AGBL1: variants seen among roughly 807,000 people sequenced by gnomAD.
AGBL1 encodes the protein cytosolic carboxypeptidase 4.
A neutral mutation model predicts 118.9 loss-of-function variants in AGBL1; 130 were observed. The observed-to-expected ratio is 1.09, with a 90% CI of 0.95 to 1.26. AGBL1 has a LOEUF of 1.26. Ranked by LOEUF, AGBL1 falls within the 50% of genes most tolerant of loss-of-function variation. The pLI, the probability that AGBL1 is intolerant of heterozygous loss-of-function variation, is 0.00. For synonymous variants in AGBL1, 555 were observed against 478.9 expected (o/e 1.16, Z -2.08); for missense variants, 1,584 against 1,298.1 (o/e 1.22, Z -3.38).
At chr15:86,269,829 C>A in intron 13 of AGBL1, 90 bp from the exon 14 acceptor site, 1 of 1,438,062 alleles carries the variant, frequency 7.0e-7, no homozygotes, top group Non-Finnish European at 9.4e-7. Context: ...AGATCTGTAA[C>A]CCAGAAACTG....
chr15:86,555,544 C>T (rs532382934), intron 21 of AGBL1, among the ~76,000 whole-genome samples: 2 of 152,298 alleles, frequency 1.3e-5, no homozygotes, highest in South Asian at 2.1e-4. Context: ...CAAATAGCCA[C>T]TTAGTCTAAA....
intron 21 of AGBL1, among the ~76,000 whole-genome samples, chr15:86,573,262 T>A (rs1301650653): frequency 6.6e-6 from 1 of 152,220 alleles, no homozygotes; most frequent in Admixed American, 6.5e-5. Flanking sequence ...ACGTTTTTCT[T>A]TTTAAATCCT....
intron 21 of AGBL1, among the ~76,000 whole-genome samples, chr15:86,669,330 TTAA>T (rs1282972971): frequency 6.6e-6 from 1 of 151,946 alleles, no homozygotes; most frequent in Non-Finnish European, 1.5e-5. Flanking sequence ...GAAAGAATTA[TTAA>T]TATGGAACAA....
At chr15:86,521,251 C>G (rs543471775) in intron 18 of AGBL1, among the ~76,000 whole-genome samples, 5 of 152,316 alleles carry the variant, frequency 3.3e-5, no homozygotes, top group Middle Eastern at 3.4e-3. Flanking sequence ...ACTGAACCTT[C>G]TTTTTACCTC....
chr15:86,885,917 C>G (rs975178708), intron 22 of AGBL1, among the ~76,000 whole-genome samples: 1 of 152,120 alleles, frequency 6.6e-6, no homozygotes, highest in Admixed American at 6.6e-5. Context: ...GTAAAGAATT[C>G]TTTTAGTCTG....
intron 18 of AGBL1, among the ~76,000 whole-genome samples, chr15:86,409,684 GT>G (rs890685019): frequency 2.0e-5 from 3 of 152,114 alleles, no homozygotes; most frequent in Admixed American, 6.5e-5. Context: ...TAGTTGATGG[GT>G]TTCCCCCCCT....
chr15:86,791,835 C>A (rs144854544), intron 22 of AGBL1, among the ~76,000 whole-genome samples: 15,994 of 151,704 alleles, frequency 0.11, 940 homozygotes, highest in South Asian at 0.16. Context: ...TTCCCAGGTT[C>A]AAGCAATTCT....
chr15:86,537,334 G>T (rs992382329), intron 19 of AGBL1, among the ~76,000 whole-genome samples: 1 of 152,224 alleles, frequency 6.6e-6, no homozygotes, highest in Non-Finnish European at 1.5e-5. Flanking sequence ...CTTCTACCTC[G>T]AGAACTTCAG....
At chr15:86,794,638 CAAAA>C (rs926594088) in intron 22 of AGBL1, among the ~76,000 whole-genome samples, 2 of 146,298 alleles carry the variant, frequency 1.4e-5, no homozygotes, top group Non-Finnish European at 3.0e-5. Context: ...TTTGATGAAA[CAAAA>C]AAAAAACATG....
At chr15:86,600,582 C>T (rs1433661909) in intron 21 of AGBL1, among the ~76,000 whole-genome samples, 2 of 152,012 alleles carry the variant, frequency 1.3e-5, no homozygotes, top group African/African-American at 2.4e-5. Flanking sequence ...ACTCTGTCAC[C>T]CAAACAATCT....
At chr15:86,815,570 T>C (rs972938756) in intron 22 of AGBL1, among the ~76,000 whole-genome samples, 9 of 152,172 alleles carry the variant, frequency 5.9e-5, no homozygotes, top group Admixed American at 3.9e-4. Flanking sequence ...TCAGGAGTTA[T>C]TGAAGTAGCA....
At chr15:86,824,731 T>C (rs745420693) in intron 22 of AGBL1, among the ~76,000 whole-genome samples, 2 of 152,124 alleles carry the variant, frequency 1.3e-5, no homozygotes, top group African/African-American at 2.4e-5. Flanking sequence ...GGCAGGGGAA[T>C]AGACACATAT....
chr15:86,157,090 A>G (rs1159317362), intron 4 of AGBL1, among the ~76,000 whole-genome samples: 1 of 152,092 alleles, frequency 6.6e-6, no homozygotes, highest in Non-Finnish European at 1.5e-5. Flanking sequence ...GTGCCTGGCC[A>G]CAATAACCTG....
intron 21 of AGBL1, among the ~76,000 whole-genome samples, chr15:86,628,441 C>G (rs557239251): frequency 3.9e-5 from 6 of 152,096 alleles, no homozygotes; most frequent in Non-Finnish European, 8.8e-5. Flanking sequence ...CACTGATAGG[C>G]GCGTTGAATG....
intron 23 of AGBL1, among the ~76,000 whole-genome samples, chr15:86,925,172 AGG>A (rs2141625638): frequency 1.1e-5 from 1 of 92,968 alleles, no homozygotes; most frequent in African/African-American, 5.3e-5. Flanking sequence ...GAGGAGGAAG[AGG>A]AAGAGGAAGA....
At chr15:86,087,895 T>A (rs1895768600) in intron 1 of AGBL1, among the ~76,000 whole-genome samples, 1 of 152,164 alleles carries the variant, frequency 6.6e-6, no homozygotes, top group Non-Finnish European at 1.5e-5. Flanking sequence ...ATGGAGACCC[T>A]CACCTAGCAC....
intron 5 of AGBL1, among the ~76,000 whole-genome samples, chr15:86,183,398 A>T (rs2077580242): frequency 6.6e-6 from 1 of 152,206 alleles, no homozygotes; most frequent in Non-Finnish European, 1.5e-5. Context: ...AACAGGGATA[A>T]TGAGTCCAAA....
chr15:86,701,408 T>C (rs2086356165), intron 22 of AGBL1, among the ~76,000 whole-genome samples: 3 of 152,090 alleles, frequency 2.0e-5, no homozygotes, highest in Admixed American at 6.6e-5. Context: ...TCATAAATAG[T>C]TGATAGAATC....
chr15:86,527,375 T>A (rs1038954766), intron 19 of AGBL1, among the ~76,000 whole-genome samples: 1 of 152,168 alleles, frequency 6.6e-6, no homozygotes, highest in Non-Finnish European at 1.5e-5. Flanking sequence ...TAAATAAACA[T>A]TAATTAGCTA....
Sources: allele counts gnomAD v4.1 joint callset (sites outside exome capture counted in the v4.1 genomes callset), GRCh38; gene constraint gnomAD v4.1.1; transcripts MANE v1.5; gene names NCBI Gene and HGNC (gene_info 2026-07-23, HGNC 2026-07-21).